The following CACHD1 variants were observed in gnomAD, a reference collection of about 807,000 sequenced individuals.
CACHD1 encodes cache domain containing 1.
Under a neutral mutation model 138.7 loss-of-function variants are expected in CACHD1, and 71 were observed. The observed-to-expected ratio is 0.51, with a 90% CI of 0.42 to 0.62. The LOEUF (loss-of-function observed/expected upper bound fraction) is 0.62, where lower values mean the gene tolerates loss of function less well. Ranked by LOEUF, CACHD1 falls within the 20% of genes least tolerant of loss-of-function variation. The pLI, the probability that CACHD1 is intolerant of heterozygous loss-of-function variation, is 0.00. For synonymous variants in CACHD1, 578 were observed against 591.5 expected (o/e 0.98, Z 0.33); for missense variants, 1,389 against 1,625.3 (o/e 0.85, Z 2.50).
intron 3 of CACHD1, among the ~76,000 whole-genome samples, chr1:64,595,285 C>G (rs1442304794): frequency 6.6e-6 from 1 of 152,176 alleles, no homozygotes; most frequent in Admixed American, 6.5e-5. Context: ...ATCTCAACCT[C>G]TTGGGCTTTC....
intron 13 of CACHD1, among the ~76,000 whole-genome samples, 188 bp from the exon 14 acceptor site, chr1:64,663,507 C>T (rs1272647399): frequency 2.7e-5 from 4 of 148,342 alleles, no homozygotes; most frequent in African/African-American, 7.5e-5. Context: ...TCCGAAGCCG[C>T]GCCACTTCAC....
At chr1:64,588,189 G>T (rs181248561) in intron 3 of CACHD1, among the ~76,000 whole-genome samples, 1 of 152,198 alleles carries the variant, frequency 6.6e-6, no homozygotes, top group Admixed American at 6.5e-5. Flanking sequence ...TAATAGATTT[G>T]ACTTAAGAAA....
chr1:64,505,285 T>A (rs1646363413), intron 1 of CACHD1, among the ~76,000 whole-genome samples: 1 of 151,962 alleles, frequency 6.6e-6, no homozygotes, highest in African/African-American at 2.4e-5. Flanking sequence ...GCCCCTGTAC[T>A]GGTACCTGCT....
Position 64,632,729 on chromosome 1 carries a change from G to A in CACHD1, c.775G>A (p.Asp259Asn), listed in dbSNP as rs756222350. Residue 259 changes from aspartate (D) to asparagine (N), a missense_variant, in exon 6 of 27, where the codon GAT becomes AAT. Asp to Asn is a conservative substitution (Grantham distance 23, BLOSUM62 1). Transcript: ENST00000651257. ...TGCTCAGGTCATCCTCAGCGCCATC[G>A]ATGAACATGACAAGGTGACCATGAC... Reference protein sequence around the residue: ...DAAQVILSAIDEHDKISVLTV... With the variant: ...DAAQVILSAINEHDKISVLTV... The A allele has an allele frequency of 1.5e-5, 24 of 1,614,112 alleles. No homozygotes were observed. The highest frequency in any genetic ancestry group is 2.2e-5 in the East Asian group (1 of 44,872).
At chr1:64,685,411 A>G (rs1047082826) in intron 26 of CACHD1, among the ~76,000 whole-genome samples, 29 of 152,186 alleles carry the variant, frequency 1.9e-4, no homozygotes, top group African/African-American at 7.0e-4. Flanking sequence ...CTGTCATTAC[A>G]CAAGACATGA....
At chr1:64,610,638 C>G (rs189681846) in intron 4 of CACHD1, among the ~76,000 whole-genome samples, 10 of 152,372 alleles carry the variant, frequency 6.6e-5, no homozygotes, top group Admixed American at 4.6e-4. Flanking sequence ...TGGGGCAGCT[C>G]CGCCCATGTG....
chr1:64,691,868 G>T lies in CACHD1; in HGVS notation c.*307G>T. The T allele has an allele frequency of 2.9e-6, 1 of 350,012 alleles. No homozygotes were observed. Among genetic ancestry groups the T allele is most frequent in the Non-Finnish European group, 5.4e-6 (1 of 186,328 alleles). The allele number at this position is 350,012 out of a possible 1,614,324, so 21.7% of individuals were successfully genotyped here. A position where few individuals can be genotyped will look rare whatever the true frequency, so the allele number is the denominator to read the frequency against. Reference sequence around the variant, plus strand: ...CCAAACACAGAGACGGAACCTGCAAGTGAAGCTGAGCCAGAGGAATGTTCC... The same window carrying T: ...CCAAACACAGAGACGGAACCTGCAATTGAAGCTGAGCCAGAGGAATGTTCC... On this transcript the variant is annotated 3_prime_UTR_variant, in exon 27 of 27. Coordinates refer to ENST00000651257, the MANE Select transcript of CACHD1 (RefSeq NM_020925.4).
intron 5 of CACHD1, among the ~76,000 whole-genome samples, chr1:64,631,564 A>C (rs1446368250): frequency 2.0e-5 from 3 of 152,158 alleles, no homozygotes; most frequent in Non-Finnish European, 4.4e-5. Context: ...ATTTCACAGG[A>C]AAATCTAGTG....
At chr1:64,535,009 C>A (rs1646620504) in intron 1 of CACHD1, among the ~76,000 whole-genome samples, 1 of 152,186 alleles carries the variant, frequency 6.6e-6, no homozygotes, top group African/African-American at 2.4e-5. Flanking sequence ...AACAGGGATA[C>A]CAGTAGATAC....
chr1:64,567,929 C>T (rs7418605), intron 2 of CACHD1, among the ~76,000 whole-genome samples: 90,717 of 151,968 alleles, frequency 0.6, 30,101 homozygotes, highest in Non-Finnish European at 0.72. Context: ...CTGTTAGCGA[C>T]GAGCTTTTAG....
At chr1:64,615,815 C>T (rs781242566) in intron 4 of CACHD1, among the ~76,000 whole-genome samples, 10 of 152,170 alleles carry the variant, frequency 6.6e-5, no homozygotes, top group Non-Finnish European at 1.5e-4. Flanking sequence ...TCCAGAGTCA[C>T]ATGAAACCAT....
chr1:64,585,050 A>G (rs968148642), intron 3 of CACHD1, among the ~76,000 whole-genome samples: 4 of 152,250 alleles, frequency 2.6e-5, no homozygotes, highest in African/African-American at 4.8e-5. Flanking sequence ...AAAATACCGC[A>G]GTACCATTTA....
At chr1:64,603,143 T>C (rs1327417559) in intron 4 of CACHD1, among the ~76,000 whole-genome samples, 2 of 142,434 alleles carry the variant, frequency 1.4e-5, no homozygotes, top group East Asian at 4.2e-4. Flanking sequence ...CTCACTCTGT[T>C]GCCCAGGCTG....
intron 8 of CACHD1, among the ~76,000 whole-genome samples, chr1:64,647,098 T>A (rs771971780): frequency 6.6e-5 from 10 of 152,144 alleles, no homozygotes; most frequent in Admixed American, 5.2e-4. Context: ...AATTTACTTT[T>A]GTGCTATAAA....
Position 64,652,189 on chromosome 1 carries a change from T to C in CACHD1, c.1419T>C (p.Cys473=). ...DGLIMTVSKP[C]YFGNLLLGIV... ...TGATAATGACTGTGAGTAAACCCTG[T>C]TATTTTGGAAACCTACTTCTGGGAA... The change falls in exon 10 of 27, where the codon TGT becomes TGC. Residue 473 remains cysteine, a synonymous_variant. Coordinates refer to ENST00000651257, the MANE Select transcript of CACHD1 (RefSeq NM_020925.4). 4 of 1,612,560 alleles carry C rather than the reference T, an allele frequency of 2.5e-6. No homozygotes were observed. The highest frequency in any genetic ancestry group is 3.4e-6 in the Non-Finnish European group (4 of 1,179,532).
intron 26 of CACHD1, 65 bp downstream of exon 26, chr1:64,682,171 C>A (rs1160403333): frequency 7.9e-6 from 11 of 1,395,810 alleles, no homozygotes; most frequent in Non-Finnish European, 1.1e-5. Context: ...GGATGATGCT[C>A]ACACCCTATT....
At position 64,679,759 on chromosome 1, in the gene CACHD1, G is replaced by A. The variant is rs750248072; in HGVS notation, c.3406+3G>A. The A allele has an allele frequency of 1.2e-6, 2 of 1,613,266 alleles. No individual in the cohort carries two copies. Among genetic ancestry groups the A allele is most frequent in the South Asian group, 1.1e-5 (1 of 91,024 alleles). ...TATGTCTCCTCTTGCTGCCCAAGGT[G>A]AGCTCAAAATGAACCCCACAGGGGA... is the stretch of plus-strand genomic sequence containing the variant. On this transcript the variant is annotated splice_donor_region_variant and intron_variant, in intron 24 of 26. Transcript: ENST00000651257.
At chr1:64,478,865 C>G (rs915644418) in intron 1 of CACHD1, among the ~76,000 whole-genome samples, 1 of 152,014 alleles carries the variant, frequency 6.6e-6, no homozygotes, top group Admixed American at 6.5e-5. Flanking sequence ...TACTCTGTTG[C>G]CCAGTAGCCA....
At chr1:64,681,203 C>A in intron 24 of CACHD1, 55 bp from the exon 25 acceptor site, 1 of 1,327,802 alleles carries the variant, frequency 7.5e-7, no homozygotes, top group Non-Finnish European at 1.1e-6. Flanking sequence ...GGTATTAAAG[C>A]GGGTGATTTT....
Sources: allele counts gnomAD v4.1 joint callset (sites outside exome capture counted in the v4.1 genomes callset), GRCh38; gene constraint gnomAD v4.1.1; transcripts MANE v1.5; gene names NCBI Gene and HGNC (gene_info 2026-07-23, HGNC 2026-07-21).